Variants in STOX2 observed in about 807,000 individuals in gnomAD.
The protein encoded by STOX2 is storkhead box 2.
A neutral mutation model predicts 60.9 loss-of-function variants in STOX2; 28 were observed. The observed-to-expected ratio is 0.46, with a 90% CI of 0.34 to 0.63. STOX2 has a LOEUF of 0.63. Ranked by LOEUF, STOX2 falls within the 30% of genes least tolerant of loss-of-function variation. STOX2 has a pLI of 0.01. For synonymous variants in STOX2, 472 were observed against 463.9 expected, an observed-to-expected ratio of 1.02 and a Z score of -0.22; for missense variants, 1,024 against 1,187.7, an observed-to-expected ratio of 0.86 and a Z score of 2.03.
chr4:183,824,216 T>C (rs1186302919), intron 1 of STOX2, among the ~76,000 whole-genome samples: 3 of 152,198 alleles, frequency 2.0e-5, no homozygotes. Flanking sequence ...CTGGCCAGAA[T>C]AGGATAATTT....
At chr4:184,006,685 C>CAA (rs1199363509) in intron 2 of STOX2, among the ~76,000 whole-genome samples, 818 of 76,310 alleles carry the variant, frequency 0.011, 41 homozygotes, top group Middle Eastern at 0.023. Flanking sequence ...GACCCTGTCT[C>CAA]AAAAAAAAAA....
chr4:183,993,696 T>C (rs141612618), intron 1 of STOX2, among the ~76,000 whole-genome samples: 2 of 152,350 alleles, frequency 1.3e-5, no homozygotes, highest in Non-Finnish European at 2.9e-5. Flanking sequence ...GGGCTCAGCC[T>C]TCAACTTTTG....
intron 1 of STOX2, among the ~76,000 whole-genome samples, chr4:183,898,708 C>T (rs865849719): frequency 6.6e-6 from 1 of 152,004 alleles, no homozygotes; most frequent in African/African-American, 2.4e-5. Flanking sequence ...TAGAGAGTGA[C>T]AATGAAAATG....
intron 1 of STOX2, among the ~76,000 whole-genome samples, chr4:183,986,304 C>G (rs1011506506): frequency 9.2e-5 from 14 of 152,148 alleles, no homozygotes; most frequent in African/African-American, 2.9e-4. Flanking sequence ...TTAAAAAGTG[C>G]ATCAGTAGCA....
intron 1 of STOX2, among the ~76,000 whole-genome samples, chr4:183,833,098 T>G (rs1274181525): frequency 6.6e-6 from 1 of 152,238 alleles, no homozygotes; most frequent in Non-Finnish European, 1.5e-5. Context: ...ATGGACATGG[T>G]TCAGTGAGTT....
At chr4:184,002,606 T>G (rs1289031004) in intron 2 of STOX2, among the ~76,000 whole-genome samples, 5 of 152,184 alleles carry the variant, frequency 3.3e-5, no homozygotes, top group African/African-American at 1.2e-4. Context: ...GAGATCTCCT[T>G]CACTTGCGGG....
At position 183,906,911 on chromosome 4, in the gene STOX2, C is replaced by G. The variant is rs1019201693; in HGVS notation, c.121C>G (p.Pro41Ala). Residue 41 changes from proline to alanine, a missense_variant, in exon 1 of 4, where the codon CCC becomes GCC. By Grantham distance (27) the Pro-to-Ala change is conservative. Around this residue, in one of 3 missense-constraint regions of STOX2, gnomAD observed 98 missense variants for 110.2 expected, o/e 0.89. Coordinates refer to ENST00000308497, the MANE Select transcript of STOX2 (RefSeq NM_020225.3). Reference protein sequence around the residue: ...EKDYRLHKRFPAAFAPQASRG... With the variant: ...EKDYRLHKRFAAAFAPQASRG... ...GGACTACCGCCTGCACAAGCGTTTC[C>G]CCGCGGCCTTCGCGCCCCAGGCTTC... 1 of 1,550,066 alleles carries G rather than the reference C, an allele frequency of 6.5e-7. No homozygotes were observed. Among genetic ancestry groups the G allele is most frequent in the Non-Finnish European group, 8.7e-7 (1 of 1,146,044 alleles).
intron 3 of STOX2, chr4:184,014,696 C>T (rs1260197490): frequency 6.6e-6 from 1 of 152,164 alleles, no homozygotes; most frequent in Admixed American, 6.5e-5. Flanking sequence ...ATGTCACAGA[C>T]TGTAATCATT....
At chr4:183,808,579 G>A (rs998859399) in intron 1 of STOX2, among the ~76,000 whole-genome samples, 4 of 152,188 alleles carry the variant, frequency 2.6e-5, no homozygotes, top group African/African-American at 9.7e-5. Flanking sequence ...AGGTAATGTA[G>A]AAAATGCAGA....
intron 1 of STOX2, among the ~76,000 whole-genome samples, chr4:183,884,185 C>T (rs1371061687): frequency 6.6e-6 from 1 of 152,166 alleles, no homozygotes; most frequent in Admixed American, 6.5e-5. Flanking sequence ...TGATGCTTTT[C>T]TAAGGCACTG....
chr4:183,994,151 T>C (rs1254015688), intron 1 of STOX2, among the ~76,000 whole-genome samples: 1 of 152,164 alleles, frequency 6.6e-6, no homozygotes, highest in African/African-American at 2.4e-5. Flanking sequence ...AAGATAAAAC[T>C]TGGCGAAAGA....
chr4:183,932,515 G>T (rs956298630), intron 1 of STOX2, among the ~76,000 whole-genome samples: 1 of 151,620 alleles, frequency 6.6e-6, no homozygotes, highest in African/African-American at 2.4e-5. Context: ...CACATTAATG[G>T]TGTATTGATA....
intron 1 of STOX2, among the ~76,000 whole-genome samples, chr4:183,824,151 C>G (rs752015819): frequency 6.6e-6 from 1 of 152,134 alleles, no homozygotes; most frequent in Non-Finnish European, 1.5e-5. Flanking sequence ...GCTCATAAAC[C>G]GTCACCTACT....
intron 1 of STOX2, among the ~76,000 whole-genome samples, chr4:183,913,391 T>C (rs1467911623): frequency 6.6e-6 from 1 of 152,062 alleles, no homozygotes; most frequent in Non-Finnish European, 1.5e-5. Flanking sequence ...GATAGATGCA[T>C]GTTGTGAACG....
At chr4:183,808,333 A>G (rs56061172) in intron 1 of STOX2, among the ~76,000 whole-genome samples, 2,468 of 152,228 alleles carry the variant, frequency 0.016, 78 homozygotes, top group African/African-American at 0.057. Context: ...CTGACCGGTC[A>G]CTTCCCCTCT....
At chr4:183,950,396 T>C (rs1743032512) in intron 1 of STOX2, among the ~76,000 whole-genome samples, 1 of 152,108 alleles carries the variant, frequency 6.6e-6, no homozygotes, top group Non-Finnish European at 1.5e-5. Flanking sequence ...TAAAACAGGC[T>C]GCTAGGAGGT....
At chr4:183,970,210 G>T (rs1257458377) in intron 1 of STOX2, among the ~76,000 whole-genome samples, 1 of 145,500 alleles carries the variant, frequency 6.9e-6, no homozygotes, top group African/African-American at 2.6e-5. Context: ...TCTGTCCCGA[G>T]GTTGAGTTAG....
At chr4:183,948,759 T>C (rs1742979666) in intron 1 of STOX2, among the ~76,000 whole-genome samples, 1 of 151,960 alleles carries the variant, frequency 6.6e-6, no homozygotes, top group Admixed American at 6.6e-5. Flanking sequence ...CTCAAACTCG[T>C]GACCTCAGGT....
At chr4:183,853,615 G>A (rs1020685681) in intron 1 of STOX2, 3 of 152,172 alleles carry the variant, frequency 2.0e-5, no homozygotes, top group African/African-American at 7.2e-5. Flanking sequence ...TATCTTTAAT[G>A]TTTAAGTTAG....
Sources: gnomAD v4.1 joint callset for allele counts (sites outside exome capture counted in the v4.1 genomes callset) on GRCh38, gnomAD v4.1.1 for gene constraint, gnomAD v4.1.1 regional missense constraint, MANE v1.5 for transcripts, NCBI Gene and HGNC (gene_info 2026-07-23, HGNC 2026-07-21) for gene names.